ARHGAP24: variants seen among roughly 807,000 people sequenced by gnomAD.
The protein encoded by ARHGAP24 is rho GTPase-activating protein 24.
In ARHGAP24, 50 loss-of-function variants were observed where a neutral mutation model predicts 76.4. The observed-to-expected ratio is 0.65, with a 90% CI of 0.52 to 0.83. The LOEUF (loss-of-function observed/expected upper bound fraction) is 0.83, where lower values mean the gene tolerates loss of function less well. ARHGAP24 is among the 40% of genes least tolerant of loss of function. The probability of loss-of-function intolerance (pLI) is 0.00; values close to 1 mark genes in which losing one functional copy is unlikely to be tolerated. For missense variants in ARHGAP24, 930 were observed against 914.2 expected, an observed-to-expected ratio of 1.02 and a Z score of -0.22; for synonymous variants, 345 against 323.3, an observed-to-expected ratio of 1.07 and a Z score of -0.72.
At chr4:85,763,724 T>C (rs552678008) in intron 3 of ARHGAP24, among the ~76,000 whole-genome samples, 1 of 152,226 alleles carries the variant, frequency 6.6e-6, no homozygotes, top group Admixed American at 6.5e-5. Context: ...TTTTGAAGAG[T>C]GAACATGTTT....
intron 1 of ARHGAP24, among the ~76,000 whole-genome samples, chr4:85,537,604 A>G (rs552522864): frequency 9.1e-4 from 138 of 152,250 alleles, no homozygotes; most frequent in Non-Finnish European, 1.5e-3. Context: ...GAGTTTTTAA[A>G]TTCTTCTTTT....
intron 3 of ARHGAP24, among the ~76,000 whole-genome samples, chr4:85,763,762 G>A (rs886773970): frequency 3.3e-5 from 5 of 151,994 alleles, no homozygotes; most frequent in Admixed American, 2.6e-4. Flanking sequence ...TAATAATGAT[G>A]GAGTAACAGT....
chr4:85,956,291 A>G (rs1737896636), intron 5 of ARHGAP24, among the ~76,000 whole-genome samples: 1 of 152,258 alleles, frequency 6.6e-6, no homozygotes. Flanking sequence ...TATTTACAGT[A>G]ACTCTTAACG....
intron 3 of ARHGAP24, among the ~76,000 whole-genome samples, chr4:85,741,224 A>G (rs773073572): frequency 2.6e-5 from 4 of 152,174 alleles, no homozygotes; most frequent in Non-Finnish European, 5.9e-5. Context: ...GGCACAAGAG[A>G]GAAGAAAAAC....
intron 3 of ARHGAP24, among the ~76,000 whole-genome samples, chr4:85,899,388 T>C (rs768977138): frequency 7.9e-5 from 12 of 152,222 alleles, no homozygotes; most frequent in Non-Finnish European, 1.6e-4. Flanking sequence ...CAGTAGTACC[T>C]TTTAGATCCT....
intron 2 of ARHGAP24, among the ~76,000 whole-genome samples, chr4:85,572,104 T>C (rs1198085020): frequency 2.0e-5 from 3 of 152,252 alleles, no homozygotes; most frequent in African/African-American, 2.4e-5. Flanking sequence ...ATCAAGATCA[T>C]AGGCAAATTA....
chr4:85,977,548 A>T lies in ARHGAP24; in HGVS notation c.807-22A>T. 3.7e-6 allele frequency: 6 copies of T among 1,611,350 alleles called. No homozygotes were observed. The South Asian group carries it at 5.5e-5, about 15-fold the overall frequency. ...GCAAATTTGATCCCATTGTATTTCA[A>T]TCATATGCTTATACTCCATAGATTC... is the stretch of plus-strand genomic sequence containing the variant. On this transcript the variant is annotated intron_variant, in intron 7 of 9. Coordinates refer to ENST00000395184, the MANE Select transcript of ARHGAP24 (RefSeq NM_001025616.3).
chr4:85,839,520 G>A (rs144420792), intron 3 of ARHGAP24, among the ~76,000 whole-genome samples: 1,899 of 152,082 alleles, frequency 0.012, 47 homozygotes, highest in African/African-American at 0.043. Flanking sequence ...GCCTGATCTC[G>A]GCTCACTGCA....
chr4:85,878,227 G>A (rs890768928), intron 3 of ARHGAP24, among the ~76,000 whole-genome samples: 1 of 152,088 alleles, frequency 6.6e-6, no homozygotes, highest in African/African-American at 2.4e-5. Context: ...ATATGTATAT[G>A]TGTTTTTGAT....
chr4:85,807,120 A>G (rs1243455898), intron 3 of ARHGAP24, among the ~76,000 whole-genome samples: 1 of 152,144 alleles, frequency 6.6e-6, no homozygotes, highest in Non-Finnish European at 1.5e-5. Flanking sequence ...TTTTAAAACT[A>G]TTATTATACT....
chr4:85,540,354 T>C (rs1725628752), intron 1 of ARHGAP24, among the ~76,000 whole-genome samples: 1 of 152,222 alleles, frequency 6.6e-6, no homozygotes, highest in Admixed American at 6.5e-5. Flanking sequence ...AATAATTCAA[T>C]GTGACCAATC....
At chr4:85,835,555 C>CA (rs76896754) in intron 3 of ARHGAP24, among the ~76,000 whole-genome samples, 22,742 of 111,596 alleles carry the variant, frequency 0.2, 2,402 homozygotes, top group East Asian at 0.53. Context: ...GACTCCATCT[C>CA]AAAAAAAAAA....
intron 1 of ARHGAP24, among the ~76,000 whole-genome samples, chr4:85,516,170 T>C (rs1431058638): frequency 6.6e-6 from 1 of 152,160 alleles, no homozygotes; most frequent in Non-Finnish European, 1.5e-5. Flanking sequence ...ATAGTCCCAG[T>C]CTAAGTGAGT....
chr4:85,483,470 G>A (rs1256903301), intron 1 of ARHGAP24, among the ~76,000 whole-genome samples: 1 of 151,984 alleles, frequency 6.6e-6, no homozygotes, highest in Non-Finnish European at 1.5e-5. Context: ...AAATTATCTG[G>A]GCGTGGTGGT....
chr4:85,874,054 A>G (rs1049228948), intron 3 of ARHGAP24, among the ~76,000 whole-genome samples: 2 of 152,226 alleles, frequency 1.3e-5, no homozygotes, highest in Non-Finnish European at 2.9e-5. Flanking sequence ...AAGTGGCCTA[A>G]TAAAAATATT....
intron 2 of ARHGAP24, among the ~76,000 whole-genome samples, chr4:85,649,492 A>G (rs1721853232): frequency 6.6e-6 from 1 of 152,092 alleles, no homozygotes; most frequent in Admixed American, 6.6e-5. Context: ...AGCCCCCTTC[A>G]TTAACGGCTT....
chr4:85,857,765 A>G (rs1277619487), intron 3 of ARHGAP24, among the ~76,000 whole-genome samples: 1 of 152,142 alleles, frequency 6.6e-6, no homozygotes, highest in Non-Finnish European at 1.5e-5. Flanking sequence ...TATTAAGAGA[A>G]ATAGTTGGAA....
chr4:85,974,629 G>A (rs2148853934), intron 6 of ARHGAP24, among the ~76,000 whole-genome samples: 2 of 152,214 alleles, frequency 1.3e-5, no homozygotes, highest in South Asian at 4.1e-4. Context: ...TCAATTGTGA[G>A]CATATGTTAA....
intron 2 of ARHGAP24, among the ~76,000 whole-genome samples, chr4:85,679,117 G>A (rs888910845): frequency 2.0e-5 from 3 of 152,130 alleles, no homozygotes; most frequent in African/African-American, 7.2e-5. Flanking sequence ...GGCAAGACAA[G>A]TTATATGAGA....
Sources: allele counts gnomAD v4.1 joint callset (sites outside exome capture counted in the v4.1 genomes callset), GRCh38; gene constraint gnomAD v4.1.1; transcripts MANE v1.5; gene names NCBI Gene and HGNC (gene_info 2026-07-23, HGNC 2026-07-21).